Variants in EZR observed in about 807,000 individuals in gnomAD.
The protein encoded by EZR is ezrin, also known as cytovillin 2.
EZR carries 40 observed loss-of-function variants against 74.8 expected under a neutral mutation model. The observed-to-expected ratio is 0.53, with a 90% CI of 0.42 to 0.70. EZR has a LOEUF of 0.70. Among genes scored for constraint, EZR ranks in the 30% least tolerant of loss-of-function variants. The pLI is 0.00. For synonymous variants in EZR, 341 were observed against 283.3 expected (o/e 1.20, Z -2.05); for missense variants, 678 against 755.8 (o/e 0.90, Z 1.21).
At chr6:158,816,166 C>CT (rs1562509980) in intron 2 of EZR, among the ~76,000 whole-genome samples, 1 of 152,092 alleles carries the variant, frequency 6.6e-6, no homozygotes. Context: ...TTGCCAAGGG[C>CT]TGGTGGTGGG....
chr6:158,798,727 G>A (rs1217457085), intron 2 of EZR, among the ~76,000 whole-genome samples: 1 of 150,830 alleles, frequency 6.6e-6, no homozygotes, highest in African/African-American at 2.4e-5. Flanking sequence ...TGCCTCCAGG[G>A]TTCAAGAGAT....
At chr6:158,803,554 T>TATATATATATATATATACATAC (rs1777242463) in intron 2 of EZR, among the ~76,000 whole-genome samples, 1 of 3,286 alleles carries the variant, frequency 3.0e-4, no homozygotes, top group Non-Finnish European at 6.0e-4. Context: ...TGTATATATA[T>TATATATATATATATATACATAC]ATATATATAT....
intron 2 of EZR, among the ~76,000 whole-genome samples, chr6:158,798,622 C>CTTTTTT (rs147757313): frequency 1.6e-5 from 2 of 122,204 alleles, no homozygotes. Flanking sequence ...TGCTGCTCCG[C>CTTTTTT]TTTTTTTTTT....
At chr6:158,770,021 C>T (rs114011064) in intron 10 of EZR, 77 bp from the exon 11 acceptor site, 2 of 1,571,354 alleles carry the variant, frequency 1.3e-6, no homozygotes. Flanking sequence ...ATTCCCACCC[C>T]CAAAGCCACA....
rs59518413 is a variant in EZR at position 158,803,601 on chromosome 6, AT to A, written c.13-14231del. On this transcript the variant is annotated intron_variant, in intron 2 of 13. Coordinates refer to ENST00000367075, the MANE Select transcript of EZR (RefSeq NM_001111077.2). ...TATATACATATATATATATATATAT[AT>A]ATACATATATATATATATATATACA... Among the ~76,000 whole-genome samples the A allele has an allele frequency of 1.1e-3, 16 of 14,220 alleles. 1 individual carries two copies. The highest frequency in any genetic ancestry group is 4.7e-3 in the African/African-American group (13 of 2,760). 9.3% of individuals were successfully genotyped at this position (14,220 alleles called of 152,430 possible). A position where few individuals can be genotyped will look rare whatever the true frequency, so the allele number is the denominator to read the frequency against.
chr6:158,804,984 A>G (rs1240448703), intron 2 of EZR, among the ~76,000 whole-genome samples: 2 of 141,048 alleles, frequency 1.4e-5, no homozygotes, highest in Non-Finnish European at 3.0e-5. Flanking sequence ...TCATTGTTCA[A>G]TTCCCACCTA....
At chr6:158,780,964 GAC>G (rs1791418430) in intron 7 of EZR, among the ~76,000 whole-genome samples, 1 of 152,202 alleles carries the variant, frequency 6.6e-6, no homozygotes, top group Admixed American at 6.5e-5. Context: ...AACCCCAAGA[GAC>G]AGATTTCCCA....
At chr6:158,769,754 T>G in intron 11 of EZR, 30 bp downstream of exon 11, 1 of 1,612,194 alleles carries the variant, frequency 6.2e-7, no homozygotes, top group Middle Eastern at 1.7e-4. Flanking sequence ...TCTCTATAAT[T>G]CAGCATCTTG....
rs1180134018 is a variant in EZR, at chr6:158,776,524, G to A, written c.699-20C>T. On this transcript the variant is annotated intron_variant, in intron 7 of 13. Transcript: ENST00000367075. ...GTTAACCTGAGGTTAAAAAGAAGAA[G>A]TGGATGGTTAGATGTATACATATGT... 1.9e-6 allele frequency: 3 copies of A among 1,565,188 alleles called. No individual in the cohort carries two copies. Among genetic ancestry groups the A allele is most frequent in the Admixed American group, 1.7e-5 (1 of 57,988 alleles).
At chr6:158,791,546 G>A (rs978769970) in intron 2 of EZR, among the ~76,000 whole-genome samples, 16 of 151,906 alleles carry the variant, frequency 1.1e-4, no homozygotes, top group Admixed American at 4.6e-4. Flanking sequence ...GTGGAGGGGC[G>A]TTTGCTCACA....
At chr6:158,786,993 TACAC>T (rs1791599093) in intron 4 of EZR, 111 bp downstream of exon 4, 3 of 820,742 alleles carry the variant, frequency 3.7e-6, no homozygotes, top group Non-Finnish European at 5.8e-6. Flanking sequence ...TAAAAACTTT[TACAC>T]AAACAAAAAG....
chr6:158,817,984 C>T (rs1320326587), intron 2 of EZR, 98 bp downstream of exon 2: 3 of 1,238,842 alleles, frequency 2.4e-6, no homozygotes, highest in Non-Finnish European at 2.3e-6. Flanking sequence ...GTGAGAAGAA[C>T]CCTGTTCCCC....
intron 8 of EZR, among the ~76,000 whole-genome samples, chr6:158,772,809 T>C (rs1484276750): frequency 6.6e-6 from 1 of 152,112 alleles, no homozygotes; most frequent in East Asian, 1.9e-4. Flanking sequence ...AAAAAAACAG[T>C]GCGATATATC....
chr6:158,810,221 C>G (rs977439982), intron 2 of EZR, among the ~76,000 whole-genome samples: 1 of 152,138 alleles, frequency 6.6e-6, no homozygotes, highest in Non-Finnish European at 1.5e-5. Flanking sequence ...AAAAGGATAA[C>G]TTAATGAAGT....
chr6:158,779,614 AGTGCAGT>A (rs1209385344), intron 7 of EZR, among the ~76,000 whole-genome samples: 1 of 152,162 alleles, frequency 6.6e-6, no homozygotes, highest in Non-Finnish European at 1.5e-5. Flanking sequence ...CCCAGGCTAG[AGTGCAGT>A]GGCACAATCT....
chr6:158,777,696 GATC>G (rs1286745384), intron 7 of EZR, among the ~76,000 whole-genome samples: 2 of 152,130 alleles, frequency 1.3e-5, no homozygotes, highest in African/African-American at 4.8e-5. Flanking sequence ...GTTTCGTTAT[GATC>G]ACATCAACTA....
intron 8 of EZR, among the ~76,000 whole-genome samples, chr6:158,774,672 A>AACACACACACACACACACAC (rs56400693): frequency 3.5e-5 from 5 of 142,396 alleles, no homozygotes; most frequent in East Asian, 2.2e-4. Flanking sequence ...CTTATCATCA[A>AACACACACACACACACACAC]ACACACACAC....
chr6:158,768,160 T>C (rs1389992379), intron 12 of EZR, among the ~76,000 whole-genome samples: 1 of 151,954 alleles, frequency 6.6e-6, no homozygotes, highest in African/African-American at 2.4e-5. Flanking sequence ...GTTTCCCCTA[T>C]GCTGTTCTCG....
At chr6:158,784,765 G>C in intron 5 of EZR, 38 bp from the exon 6 acceptor site, 2 of 1,585,126 alleles carry the variant, frequency 1.3e-6, no homozygotes, top group Non-Finnish European at 1.7e-6. Context: ...CATCCTTAAG[G>C]AATGTGACAG....
Sources: allele counts gnomAD v4.1 joint callset (sites outside exome capture counted in the v4.1 genomes callset), GRCh38; gene constraint gnomAD v4.1.1; transcripts MANE v1.5; gene names NCBI Gene and HGNC (gene_info 2026-07-23, HGNC 2026-07-21).